MSL2: variants seen among roughly 807,000 people sequenced by gnomAD.
The protein encoded by MSL2 is MSL complex subunit 2, also known as E3 ubiquitin-protein ligase MSL2.
A neutral mutation model predicts 35.8 loss-of-function variants in MSL2; 2 were observed. The observed-to-expected ratio is 0.06, with a 90% CI of 0.02 to 0.18. The LOEUF is 0.18. Ranked by LOEUF, MSL2 falls within the 10% of genes least tolerant of loss-of-function variation. MSL2 has a pLI of 1.00. For synonymous variants in MSL2, 296 were observed against 255.7 expected (o/e 1.16, Z -1.50); for missense variants, 523 against 706.7 (o/e 0.74, Z 2.95).
At chr3:136,184,038 G>A (rs1279742475) in intron 1 of MSL2, among the ~76,000 whole-genome samples, 2 of 152,206 alleles carry the variant, frequency 1.3e-5, no homozygotes, top group Non-Finnish European at 2.9e-5. Flanking sequence ...GCTCATGCCT[G>A]TAATCGCAGC....
At chr3:136,157,250 C>T (rs1446055049) in intron 1 of MSL2, among the ~76,000 whole-genome samples, 3 of 151,696 alleles carry the variant, frequency 2.0e-5, no homozygotes, top group Admixed American at 6.6e-5. Flanking sequence ...GTCAGGAAGG[C>T]GGGCCGATCA....
At chr3:136,183,238 A>C (rs1335782899) in intron 1 of MSL2, among the ~76,000 whole-genome samples, 3 of 152,064 alleles carry the variant, frequency 2.0e-5, no homozygotes, top group Non-Finnish European at 4.4e-5. Flanking sequence ...AAGATGATAG[A>C]ATTAGTAAAC....
chr3:136,159,065 C>G (rs141495577), intron 1 of MSL2, among the ~76,000 whole-genome samples: 42 of 152,270 alleles, frequency 2.8e-4, no homozygotes, highest in African/African-American at 9.6e-4. Flanking sequence ...TAATCCCAGG[C>G]AGCTTTTTTT....
chr3:136,172,808 CTT>C (rs1337662132), intron 1 of MSL2, among the ~76,000 whole-genome samples: 1 of 152,094 alleles, frequency 6.6e-6, no homozygotes, highest in East Asian at 1.9e-4. Context: ...TGTTCAGAAT[CTT>C]ATGAGGATCA....
Position 136,195,066 on chromosome 3 carries a change from T to G in MSL2, c.48A>C (p.Leu16=). ...ATALYISASR[L]VLNYDPGDPK... is the part of the protein sequence containing the mutation. Reference sequence around the variant, plus strand: ...GGTCTCCGGGGTCGTAGTTGAGCACTAGGCGGCTCGCGGAAATGTAGAGAG... The same window carrying G: ...GGTCTCCGGGGTCGTAGTTGAGCACGAGGCGGCTCGCGGAAATGTAGAGAG... Residue 16 remains leucine, a synonymous_variant, in exon 1 of 2, where the codon CTA becomes CTC. Coordinates refer to ENST00000309993, the MANE Select transcript of MSL2 (RefSeq NM_018133.4). The G allele has an allele frequency of 6.2e-7, 1 of 1,614,006 alleles. No homozygotes were observed. Among genetic ancestry groups the G allele is most frequent in the Non-Finnish European group, 8.5e-7 (1 of 1,179,976 alleles).
chr3:136,173,667 G>C (rs535032476), intron 1 of MSL2, among the ~76,000 whole-genome samples: 47 of 152,162 alleles, frequency 3.1e-4, no homozygotes, highest in African/African-American at 1.1e-3. Context: ...TTATCTCCGT[G>C]CCTTACCTAA....
At chr3:136,160,134 G>C (rs912225872) in intron 1 of MSL2, among the ~76,000 whole-genome samples, 2 of 151,500 alleles carry the variant, frequency 1.3e-5, no homozygotes, top group Non-Finnish European at 2.9e-5. Flanking sequence ...AAATTAGCTA[G>C]GCGTGATGGC....
rs1297871264 is a variant in MSL2, at chr3:136,149,097, A to G, written c.*2050T>C. On this transcript the variant is annotated 3_prime_UTR_variant, in exon 2 of 2. Transcript: ENST00000309993. ...CATACTAATGATTTCCACTTTGTCTATATTGCCAACCTCCCATGCATCAAA... is the reference window on the plus strand; with the variant it reads ...CATACTAATGATTTCCACTTTGTCTGTATTGCCAACCTCCCATGCATCAAA... 1 of 151,502 alleles carries G rather than the reference A, an allele frequency of 6.6e-6. No individual in the cohort carries two copies. The highest frequency in any genetic ancestry group is 3.2e-3 in the Middle Eastern group (1 of 314). 9.4% of individuals were successfully genotyped at this position (151,502 alleles called of 1,614,324 possible).
intron 1 of MSL2, among the ~76,000 whole-genome samples, chr3:136,165,305 G>C (rs953920455): frequency 6.6e-6 from 1 of 150,932 alleles, no homozygotes; most frequent in East Asian, 1.9e-4. Flanking sequence ...ATAACTAAAC[G>C]AATGATATTT....
At position 136,167,088 on chromosome 3, in the gene MSL2, A is replaced by ATTTT. The variant is rs528381843; in HGVS notation, c.143-14351_143-14350insAAAA. 2.4e-4 allele frequency among the ~76,000 whole-genome samples: 36 copies of ATTTT among 152,348 alleles called. No individual in the cohort carries two copies. In the East Asian group the frequency reaches 6.0e-3, roughly 25 times the overall value. On this transcript the variant is annotated intron_variant, in intron 1 of 1. Transcript: ENST00000309993. ...AGAAAAAAAATATATAAAACTGATA[A>ATTTT]TGGCTAATACTTAGCAAAATTTGTT...
rs1459854233 is a variant in MSL2 at position 136,149,155 on chromosome 3, G to C, written c.*1992C>G. On this transcript the variant is annotated 3_prime_UTR_variant, in exon 2 of 2. Coordinates refer to ENST00000309993, the MANE Select transcript of MSL2 (RefSeq NM_018133.4). ...AAAAACCCACAAGATTATCAAACTT[G>C]GGAAGCAATAAAGTACTCTATGAAT... 6.7e-6 allele frequency: 1 copy of C among 149,916 alleles called. No individual in the cohort carries two copies. The highest frequency in any genetic ancestry group is 1.5e-5 in the Non-Finnish European group (1 of 67,678). 9.3% of individuals were successfully genotyped at this position (149,916 alleles called of 1,614,324 possible). A position where few individuals can be genotyped will look rare whatever the true frequency, so the allele number is the denominator to read the frequency against.
intron 1 of MSL2, among the ~76,000 whole-genome samples, chr3:136,158,932 C>T (rs1409983592): frequency 6.6e-6 from 1 of 152,166 alleles, no homozygotes; most frequent in East Asian, 1.9e-4. Context: ...CACTACAAAA[C>T]ACAGCTGAAA....
chr3:136,175,078 G>A (rs561701808), intron 1 of MSL2, among the ~76,000 whole-genome samples: 1 of 152,320 alleles, frequency 6.6e-6, no homozygotes, highest in African/African-American at 2.4e-5. Flanking sequence ...GGGCATGGTG[G>A]CTCACGCCTA....
rs1428378462 is a variant in MSL2, at chr3:136,151,947, T to G, written c.934A>C (p.Ser312Arg). ...PFLQLSSQSL[S>R]HNVFMSTSPA... ...CTGGTGGACATAAAAACATTATGGCTAAGAGACTGGGAAGAAAGCTGCAGA... is the reference window on the plus strand; with the variant it reads ...CTGGTGGACATAAAAACATTATGGCGAAGAGACTGGGAAGAAAGCTGCAGA... Residue 312 changes from serine to arginine, a missense_variant, in exon 2 of 2, where the codon AGC becomes CGC. Around this residue, in one of 5 missense-constraint regions of MSL2, gnomAD observed 361 missense variants for 414.6 expected, o/e 0.87. Transcript: ENST00000309993. The surrounding 1 kb of genome is among the most constrained non-coding windows in gnomAD (Gnocchi z 5.2). 1 of 1,614,212 alleles carries G rather than the reference T, an allele frequency of 6.2e-7. No individual in the cohort carries two copies. Among genetic ancestry groups the G allele is most frequent in the South Asian group, 1.1e-5 (1 of 91,082 alleles).
chr3:136,186,421 C>T (rs890413905), intron 1 of MSL2, among the ~76,000 whole-genome samples: 1 of 152,320 alleles, frequency 6.6e-6, no homozygotes, highest in Non-Finnish European at 1.5e-5. Flanking sequence ...TATGGACAGG[C>T]TCCGGTCCTT....
chr3:136,172,588 CT>C (rs1940058632), intron 1 of MSL2, among the ~76,000 whole-genome samples: 1 of 152,168 alleles, frequency 6.6e-6, no homozygotes, highest in African/African-American at 2.4e-5. Flanking sequence ...CCTTTCTCCC[CT>C]AACACTGTCT....
chr3:136,176,927 C>T (rs140878232), intron 1 of MSL2, among the ~76,000 whole-genome samples: 2 of 152,276 alleles, frequency 1.3e-5, no homozygotes, highest in East Asian at 1.9e-4. Context: ...TTACACATTG[C>T]TATAAAAGAT....
chr3:136,170,297 G>A (rs1009014298), intron 1 of MSL2, among the ~76,000 whole-genome samples: 1 of 144,900 alleles, frequency 6.9e-6, no homozygotes, highest in African/African-American at 2.6e-5. Flanking sequence ...AAGCTACAGT[G>A]AGCCGACATC....
At chr3:136,155,689 A>G in intron 1 of MSL2, 1 of 492,388 alleles carries the variant, frequency 2.0e-6, no homozygotes, top group Non-Finnish European at 4.1e-6. Flanking sequence ...TGCTGCCTGA[A>G]TGGGGGGAAC....
Sources: gnomAD v4.1 joint callset for allele counts (sites outside exome capture counted in the v4.1 genomes callset) on GRCh38, gnomAD v4.1.1 for gene constraint, gnomAD v4.1.1 regional missense constraint, Gnocchi (gnomAD v3.1) non-coding constraint, MANE v1.5 for transcripts, NCBI Gene and HGNC (gene_info 2026-07-23, HGNC 2026-07-21) for gene names.